FCAR: variants seen among roughly 807,000 people sequenced by gnomAD.
The protein encoded by FCAR is immunoglobulin alpha Fc receptor.
Under a neutral mutation model 27.1 loss-of-function variants are expected in FCAR, and 21 were observed. The observed-to-expected ratio is 0.77, with a 90% CI of 0.55 to 1.11. The LOEUF (loss-of-function observed/expected upper bound fraction) is 1.11. Among genes scored for constraint, FCAR ranks in the 50% most tolerant of loss-of-function variants. The pLI, the probability that FCAR is intolerant of heterozygous loss-of-function variation, is 0.00. For missense variants in FCAR, 404 were observed against 358.4 expected (o/e 1.13, Z -1.03); for synonymous variants, 134 against 135.8 (o/e 0.99, Z 0.09).
chr19:54,885,178 G>A, intron 2 of FCAR, 57 bp from the exon 3 acceptor site: 2 of 1,434,280 alleles, frequency 1.4e-6, no homozygotes, highest in Non-Finnish European at 1.9e-6. Context: ...CACAGAGAAG[G>A]AAAGGAATGG....
rs2066718728 is a variant in FCAR, at chr19:54,886,297, C to CTTT, written c.361+773_361+775dup. On this transcript the variant is annotated intron_variant, in intron 3 of 4. Coordinates refer to ENST00000355524, the MANE Select transcript of FCAR (RefSeq NM_002000.4). ...CACATTGCATTCAGGTGTCATGTAT[C>CTTT]TTTATTTTTTTTTTTTTTTTTTTTT... Among the ~76,000 whole-genome samples, 42 of 80,060 alleles carry CTTT rather than the reference C, an allele frequency of 5.2e-4. 5 individuals carry two copies. Among genetic ancestry groups the CTTT allele is most frequent in the Middle Eastern group, 6.4e-3 (1 of 156 alleles). The allele number at this position is 80,060 out of a possible 152,430, so 52.5% of individuals were successfully genotyped here.
intron 2 of FCAR, among the ~76,000 whole-genome samples, chr19:54,876,325 C>T (rs1268843863): frequency 6.6e-6 from 1 of 152,146 alleles, no homozygotes; most frequent in Non-Finnish European, 1.5e-5. Flanking sequence ...TTTTATTTCT[C>T]TCTTGCCTGA....
At chr19:54,879,294 G>T (rs185895996) in intron 2 of FCAR, among the ~76,000 whole-genome samples, 86 of 152,270 alleles carry the variant, frequency 5.6e-4, no homozygotes, top group African/African-American at 1.9e-3. Context: ...GTTGTTAGCT[G>T]GTTTGGTTAT....
Position 54,888,111 on chromosome 19 carries a change from T to C in FCAR, c.466T>C (p.Phe156Leu), listed in dbSNP as rs1601954005. The change falls in exon 4 of 5, where the codon TTT becomes CTT. Residue 156 changes from phenylalanine to leucine, a missense_variant. Transcript: ENST00000355524. ...CSSAHIPFDR[F>L]SLAKEGELSL... The stretch of plus-strand genomic sequence containing the variant: ...CTCAGCACACATCCCATTTGATAGA[T>C]TTTCACTGGCCAAGGAGGGAGAACT... 2.5e-6 allele frequency: 4 copies of C among 1,614,042 alleles called. No homozygotes were observed. The East Asian group carries it at 6.7e-5, about 27-fold the overall frequency.
intron 1 of FCAR, 152 bp from the exon 2 acceptor site, chr19:54,875,178 A>C (rs2066023524): frequency 1.6e-6 from 1 of 642,064 alleles, no homozygotes; most frequent in Non-Finnish European, 2.7e-6. Context: ...CTCAAAAAAA[A>C]AAAAAAATGC....
intron 1 of FCAR, 99 bp downstream of exon 1, chr19:54,874,422 G>C: frequency 8.3e-7 from 1 of 1,208,028 alleles, no homozygotes; most frequent in East Asian, 2.3e-5. Flanking sequence ...TTTAGTGGCT[G>C]CCAAGGAGAT....
chr19:54,881,271 C>G (rs1269475035), intron 2 of FCAR, among the ~76,000 whole-genome samples: 1 of 152,132 alleles, frequency 6.6e-6, no homozygotes, highest in Non-Finnish European at 1.5e-5. Context: ...GGGTGACAGA[C>G]TGGCCTCTTC....
chr19:54,888,420 T>C, intron 4 of FCAR, 126 bp downstream of exon 4: 1 of 1,459,430 alleles, frequency 6.9e-7, no homozygotes, highest in Non-Finnish European at 9.0e-7. Flanking sequence ...TCCAGGACAG[T>C]GGAGAGAGAA....
intron 2 of FCAR, among the ~76,000 whole-genome samples, chr19:54,882,138 G>C (rs980062280): frequency 6.6e-6 from 1 of 152,168 alleles, no homozygotes; most frequent in Non-Finnish European, 1.5e-5. Flanking sequence ...GCCTGGTAAA[G>C]TGGGGGTGGG....
intron 2 of FCAR, among the ~76,000 whole-genome samples, chr19:54,878,082 A>AT (rs35302726): frequency 2.0e-5 from 3 of 151,622 alleles, no homozygotes; most frequent in African/African-American, 7.3e-5. Flanking sequence ...CGCCCGGCTA[A>AT]TTTTTTTTGT....
intron 4 of FCAR, chr19:54,888,507 G>A (rs2066885538): frequency 2.1e-6 from 3 of 1,407,126 alleles, no homozygotes; most frequent in Non-Finnish European, 2.8e-6. Context: ...AACTTAGTCT[G>A]TGGAGAACAG....
chr19:54,884,461 G>C (rs7260414), intron 2 of FCAR, among the ~76,000 whole-genome samples: 2,163 of 151,868 alleles, frequency 0.014, 27 homozygotes, highest in Middle Eastern at 0.051. Flanking sequence ...GTGAAACCCC[G>C]TTTCTACTAA....
chr19:54,884,306 G>A (rs2066582832), intron 2 of FCAR, among the ~76,000 whole-genome samples: 1 of 152,178 alleles, frequency 6.6e-6, no homozygotes, highest in South Asian at 2.1e-4. Context: ...TGCCTGCGGA[G>A]GTCCCCCTGG....
At chr19:54,877,419 T>C (rs4806601) in intron 2 of FCAR, among the ~76,000 whole-genome samples, 43,123 of 152,006 alleles carry the variant, frequency 0.28, 6,236 homozygotes, top group South Asian at 0.39. Context: ...GATGATTGTA[T>C]TTCTGTGGGG....
At chr19:54,888,550 T>C in intron 4 of FCAR, 12 of 1,297,914 alleles carry the variant, frequency 9.2e-6, no homozygotes, top group Non-Finnish European at 1.1e-5. Context: ...ATTTTATTTA[T>C]TTCATTTTAT....
chr19:54,889,390 A>C (rs1183605040), intron 4 of FCAR, among the ~76,000 whole-genome samples: 2 of 128,470 alleles, frequency 1.6e-5, no homozygotes, highest in African/African-American at 6.4e-5. Flanking sequence ...AAAAAAAAAA[A>C]AACACACACA....
At chr19:54,875,480 T>C in intron 2 of FCAR, 115 bp downstream of exon 2, 4 of 866,618 alleles carry the variant, frequency 4.6e-6, no homozygotes, top group Non-Finnish European at 7.5e-6. Flanking sequence ...ATTCTAGTTG[T>C]TTCTGCTGTG....
chr19:54,881,774 A>G (rs1055038803), intron 2 of FCAR, among the ~76,000 whole-genome samples: 1 of 152,068 alleles, frequency 6.6e-6, no homozygotes, highest in African/African-American at 2.4e-5. Flanking sequence ...CGGGAGGAGG[A>G]TGAGGCTGAG....
chr19:54,876,868 C>T (rs1045437506), intron 2 of FCAR, among the ~76,000 whole-genome samples: 1 of 152,178 alleles, frequency 6.6e-6, no homozygotes, highest in South Asian at 2.1e-4. Context: ...TTGCAGTGAG[C>T]CAAGTTCACG....
Sources: allele counts gnomAD v4.1 joint callset (sites outside exome capture counted in the v4.1 genomes callset), GRCh38; gene constraint gnomAD v4.1.1; transcripts MANE v1.5; gene names NCBI Gene and HGNC (gene_info 2026-07-23, HGNC 2026-07-21).